SULT1B1: variants seen among roughly 807,000 people sequenced by gnomAD.
SULT1B1 encodes sulfotransferase family 1B member 1.
Under a neutral mutation model 34.6 loss-of-function variants are expected in SULT1B1, and 28 were observed. The observed-to-expected ratio is 0.81, with a 90% confidence interval of 0.60 to 1.11. The LOEUF (loss-of-function observed/expected upper bound fraction) is 1.11, where lower values mean the gene tolerates loss of function less well. Among genes scored for constraint, SULT1B1 ranks in the 50% least tolerant of loss-of-function variants. The pLI is 0.00. For missense variants in SULT1B1, 374 were observed against 352.2 expected (o/e 1.06, Z -0.50); for synonymous variants, 147 against 110.2 (o/e 1.33, Z -2.09).
At chr4:69,742,816 G>A (rs531756321) in intron 4 of SULT1B1, among the ~76,000 whole-genome samples, 3 of 152,360 alleles carry the variant, frequency 2.0e-5, no homozygotes, top group Admixed American at 2.0e-4. Context: ...TCTGGCCATT[G>A]CGCAGAGCCC....
At chr4:69,735,206 A>C (rs1718254554) in intron 4 of SULT1B1, among the ~76,000 whole-genome samples, 1 of 152,234 alleles carries the variant, frequency 6.6e-6, no homozygotes. Context: ...CAAAGAGCTG[A>C]GTAATGCCAA....
At chr4:69,738,891 A>T (rs1006444429) in intron 4 of SULT1B1, among the ~76,000 whole-genome samples, 2 of 152,150 alleles carry the variant, frequency 1.3e-5, no homozygotes, top group Admixed American at 6.5e-5. Flanking sequence ...TGGGAAAAAA[A>T]TGGTTGAAAC....
intron 7 of SULT1B1, among the ~76,000 whole-genome samples, chr4:69,729,525 C>A (rs757596458): frequency 2.1e-4 from 32 of 151,998 alleles, no homozygotes; most frequent in Admixed American, 1.7e-3. Context: ...GAAAAATATA[C>A]CTGCTTTCTT....
At chr4:69,728,000 C>T (rs1222112093) in intron 7 of SULT1B1, among the ~76,000 whole-genome samples, 1 of 151,946 alleles carries the variant, frequency 6.6e-6, no homozygotes, top group East Asian at 1.9e-4. Context: ...TTTGATAAAA[C>T]TTCCAAGTCT....
chr4:69,724,154 G>C lies in SULT1B1; in HGVS notation c.*2934C>G, dbSNP rs574986310. 2 of 152,300 alleles carry C rather than the reference G, an allele frequency of 1.3e-5. No individual in the cohort carries two copies. Among genetic ancestry groups the C allele is most frequent in the Non-Finnish European group, 2.9e-5 (2 of 68,016 alleles). The allele number at this position is 152,300 out of a possible 1,614,324, so 9.4% of individuals were successfully genotyped here. A position where few individuals can be genotyped will look rare whatever the true frequency, so the allele number is the denominator to read the frequency against. On this transcript the variant is annotated 3_prime_UTR_variant, in exon 8 of 8. Transcript: ENST00000310613. The stretch of plus-strand genomic sequence containing the variant: ...TTGTCTCAGCCCAAAATCTCCTTAA[G>C]CTGATAAGCAACTTCAGCAAAGTCT...
At chr4:69,742,861 G>A (rs529582320) in intron 4 of SULT1B1, among the ~76,000 whole-genome samples, 3 of 152,312 alleles carry the variant, frequency 2.0e-5, no homozygotes, top group Non-Finnish European at 2.9e-5. Flanking sequence ...GCAGCTCCAG[G>A]CACCAGCATG....
rs890544151 is a variant in SULT1B1, at chr4:69,723,387, C to T, written c.*3701G>A. 4 of 152,126 alleles carry T rather than the reference C, an allele frequency of 2.6e-5. No individual in the cohort carries two copies. Among genetic ancestry groups the T allele is most frequent in the Non-Finnish European group, 5.9e-5 (4 of 68,014 alleles). 9.4% of individuals were successfully genotyped at this position (152,126 alleles called of 1,614,324 possible). A position where few individuals can be genotyped will look rare whatever the true frequency, so the allele number is the denominator to read the frequency against. On this transcript the variant is annotated 3_prime_UTR_variant, in exon 8 of 8. Transcript: ENST00000310613. Reference sequence around the variant, plus strand: ...CTGAAATAGAGGCAATAATTAATAGCTTACCAACCAAAAGAAGTCCAGGAC... The same window carrying T: ...CTGAAATAGAGGCAATAATTAATAGTTTACCAACCAAAAGAAGTCCAGGAC...
intron 6 of SULT1B1, among the ~76,000 whole-genome samples, chr4:69,731,662 C>T (rs3775780): frequency 0.3 from 44,812 of 151,884 alleles, 7,703 homozygotes; most frequent in South Asian, 0.45. Context: ...CATTAAACTT[C>T]TCTATAATAT....
At chr4:69,749,121 A>T (rs1718870357) in intron 4 of SULT1B1, among the ~76,000 whole-genome samples, 1 of 152,054 alleles carries the variant, frequency 6.6e-6, no homozygotes, top group Non-Finnish European at 1.5e-5. Flanking sequence ...GGGACAAAAA[A>T]GAAGGAGAAG....
intron 6 of SULT1B1, 47 bp downstream of exon 6, chr4:69,733,366 C>G (rs897719381): frequency 7.4e-7 from 1 of 1,355,396 alleles, no homozygotes; most frequent in African/African-American, 1.5e-5. Flanking sequence ...CCTTTTACAG[C>G]ATGATGCAGT....
rs776688860 is a variant in SULT1B1, at chr4:69,733,412, C to T, written c.597+1G>A. ...TCCAGAATCCATATCTACCATTTTA[C>T]CTCTTTCATATCTTCATAGTACAAA... is the stretch of plus-strand genomic sequence containing the variant. On this transcript the variant is annotated splice_donor_variant, in intron 6 of 7. Transcript: ENST00000310613. LOFTEE classifies it high-confidence loss of function. 1 of 1,581,268 alleles carries T rather than the reference C, an allele frequency of 6.3e-7. No individual in the cohort carries two copies. Among genetic ancestry groups the T allele is most frequent in the East Asian group, 2.3e-5 (1 of 43,492 alleles).
In SULT1B1 at chr4:69,721,828, A is replaced by G. The variant is rs1213202434; in HGVS notation, c.*5260T>C. 6.6e-6 allele frequency: 1 copy of G among 152,148 alleles called. No homozygotes were observed. Among genetic ancestry groups the G allele is most frequent in the Non-Finnish European group, 1.5e-5 (1 of 67,992 alleles). The allele number at this position is 152,148 out of a possible 1,614,324, so 9.4% of individuals were successfully genotyped here. ...AATTTCCATGGATGAGGAAATAATC[A>G]TATCATTGTCAGATATTTGTTATCA... On this transcript the variant is annotated 3_prime_UTR_variant, in exon 8 of 8. Coordinates refer to ENST00000310613, the MANE Select transcript of SULT1B1 (RefSeq NM_014465.4).
At chr4:69,749,565 T>C (rs1323605767) in intron 4 of SULT1B1, among the ~76,000 whole-genome samples, 156 bp downstream of exon 4, 2 of 152,138 alleles carry the variant, frequency 1.3e-5, no homozygotes, top group Non-Finnish European at 2.9e-5. Flanking sequence ...TAAAACTTAA[T>C]GGCTTTTGAA....
intron 1 of SULT1B1, among the ~76,000 whole-genome samples, chr4:69,756,881 C>G (rs1265330129): frequency 2.6e-5 from 4 of 151,938 alleles, no homozygotes; most frequent in Non-Finnish European, 5.9e-5. Context: ...TGCGTGAGTC[C>G]CATTCACATT....
At chr4:69,753,229 C>A (rs967992481) in intron 3 of SULT1B1, among the ~76,000 whole-genome samples, 18 of 152,112 alleles carry the variant, frequency 1.2e-4, no homozygotes. Context: ...TCCTTGCAAG[C>A]GAATGGTTCC....
At chr4:69,733,997 T>C (rs1718190998) in intron 5 of SULT1B1, 141 bp downstream of exon 5, 1 of 683,012 alleles carries the variant, frequency 1.5e-6, no homozygotes, top group Admixed American at 3.8e-5. Context: ...TTAGATGCAT[T>C]AGATTTAGTT....
At chr4:69,760,135 G>C in intron 1 of SULT1B1, 1 of 530,356 alleles carries the variant, frequency 1.9e-6, no homozygotes, top group South Asian at 8.2e-5. Flanking sequence ...ATGCATGTGA[G>C]TAGGACTGGA....
intron 4 of SULT1B1, among the ~76,000 whole-genome samples, chr4:69,737,579 A>C (rs1297899625): frequency 6.6e-6 from 1 of 152,156 alleles, no homozygotes; most frequent in East Asian, 1.9e-4. Context: ...GAGATAGTAA[A>C]GGGGCCTAAA....
chr4:69,754,834 CA>C, intron 2 of SULT1B1, 36 bp from the exon 3 acceptor site: 1 of 1,602,270 alleles, frequency 6.2e-7, no homozygotes, highest in East Asian at 2.2e-5. Flanking sequence ...AATAATTACC[CA>C]AATTGCACGG....
Sources: allele counts gnomAD v4.1 joint callset (sites outside exome capture counted in the v4.1 genomes callset), GRCh38; gene constraint gnomAD v4.1.1; transcripts MANE v1.5; gene names NCBI Gene and HGNC (gene_info 2026-07-23, HGNC 2026-07-21).